The following RABEP2 variants were observed in gnomAD, a reference collection of about 807,000 sequenced individuals.
RABEP2 encodes rab GTPase-binding effector protein 2.
A neutral mutation model predicts 74.1 loss-of-function variants in RABEP2; 57 were observed. That is an observed-to-expected ratio of 0.77 (90% CI 0.62 to 0.96). The LOEUF (loss-of-function observed/expected upper bound fraction) is 0.96, where lower values mean the gene tolerates loss of function less well. Ranked by LOEUF, RABEP2 falls within the 40% of genes least tolerant of loss-of-function variation. The pLI is 0.00. For missense variants in RABEP2, 692 were observed against 756.3 expected (o/e 0.91, Z 1.00); for synonymous variants, 351 against 344.0 (o/e 1.02, Z -0.23).
intron 2 of RABEP2, among the ~76,000 whole-genome samples, chr16:28,920,666 G>T (rs533006564): frequency 2.0e-5 from 3 of 151,496 alleles, no homozygotes; most frequent in Non-Finnish European, 4.4e-5. Flanking sequence ...GATTATAGGC[G>T]TGAGCCACTG....
At chr16:28,906,293 G>T in intron 8 of RABEP2, 97 bp from the exon 9 acceptor site, 6 of 1,415,956 alleles carry the variant, frequency 4.2e-6, no homozygotes, top group Non-Finnish European at 5.6e-6. Flanking sequence ...GAACGGGGAA[G>T]GAAGGGAGGA....
At chr16:28,911,280 C>T in intron 5 of RABEP2, 101 bp from the exon 6 acceptor site, 2 of 1,061,398 alleles carry the variant, frequency 1.9e-6, no homozygotes, top group Non-Finnish European at 2.7e-6. Context: ...CTCATCCACA[C>T]AGTCCGTCAA....
In RABEP2 at chr16:28,905,893, GAA is replaced by G. The variant is rs1567494564; in HGVS notation, c.1424-17_1424-16del. 3.1e-6 allele frequency: 5 copies of G among 1,613,666 alleles called. No homozygotes were observed. The highest frequency in any genetic ancestry group is 4.2e-6 in the Non-Finnish European group (5 of 1,180,014). The stretch of plus-strand genomic sequence containing the variant: ...CTCCAGCACCTCTGTGGGAAGGAAA[GAA>G]AGAGAGGTCAAGGCCAGCCTCTCTC... On this transcript the variant is annotated splice_polypyrimidine_tract_variant and intron_variant, in intron 9 of 12. Coordinates refer to ENST00000358201, the MANE Select transcript of RABEP2 (RefSeq NM_024816.3).
At chr16:28,922,401 A>G (rs1243202085) in intron 2 of RABEP2, among the ~76,000 whole-genome samples, 1 of 151,934 alleles carries the variant, frequency 6.6e-6, no homozygotes, top group Non-Finnish European at 1.5e-5. Context: ...CCTGGCTAAC[A>G]CGGTGAAACC....
chr16:28,918,508 G>A (rs1294629111), intron 3 of RABEP2, among the ~76,000 whole-genome samples: 2 of 151,882 alleles, frequency 1.3e-5, no homozygotes, highest in Non-Finnish European at 2.9e-5. Context: ...CCAGCTATTC[G>A]GGAGGCTGAG....
intron 7 of RABEP2, among the ~76,000 whole-genome samples, chr16:28,909,467 A>T (rs1262424675): frequency 6.6e-6 from 1 of 151,930 alleles, no homozygotes; most frequent in African/African-American, 2.4e-5. Context: ...AACCCTGGCT[A>T]TGGGGGAGGC....
chr16:28,915,997 G>A (rs530021194), intron 3 of RABEP2, among the ~76,000 whole-genome samples: 103 of 152,026 alleles, frequency 6.8e-4, no homozygotes, highest in African/African-American at 2.3e-3. Context: ...GTGCCACCAC[G>A]CCCAGCTAAT....
intron 3 of RABEP2, among the ~76,000 whole-genome samples, chr16:28,918,115 C>T (rs1273427150): frequency 7.3e-6 from 1 of 136,840 alleles, no homozygotes; most frequent in East Asian, 2.2e-4. Flanking sequence ...CTCTGTCGCC[C>T]AGGTGGGACT....
intron 2 of RABEP2, among the ~76,000 whole-genome samples, chr16:28,923,294 T>G (rs1378033791): frequency 6.6e-6 from 1 of 151,738 alleles, no homozygotes; most frequent in African/African-American, 2.4e-5. Flanking sequence ...CCTGTAGTCT[T>G]GGCTACTTGG....
At chr16:28,913,032 G>A (rs1282065319) in intron 5 of RABEP2, among the ~76,000 whole-genome samples, 2 of 151,822 alleles carry the variant, frequency 1.3e-5, no homozygotes, top group East Asian at 1.9e-4. Flanking sequence ...GCGCGATCTC[G>A]GCTTACCACA....
chr16:28,923,815 G>C (rs973153025), intron 2 of RABEP2, among the ~76,000 whole-genome samples: 2 of 152,216 alleles, frequency 1.3e-5, no homozygotes, highest in African/African-American at 4.8e-5. Flanking sequence ...CACCGCAGCA[G>C]GGGCATAGCA....
chr16:28,924,604 A>AGG lies in RABEP2; in HGVS notation c.72_73insCC (p.Ser25ProfsTer34), dbSNP rs2152224725. ...CCATTTGCCCCTTCCTGGGACCGGG[A>AGG]GTCCTCCAGTGCTGTGGGGGACAGG... On this transcript the variant is annotated frameshift_variant, in exon 2 of 13. Coordinates refer to ENST00000358201, the MANE Select transcript of RABEP2 (RefSeq NM_024816.3). LOFTEE classifies it high-confidence loss of function. The AGG allele has an allele frequency of 1.2e-6, 2 of 1,610,304 alleles. 1 individual carries two copies. The highest frequency in any genetic ancestry group is 2.2e-5 in the South Asian group (2 of 91,078).
rs1490079941 is a variant in RABEP2, at chr16:28,908,770, G to A, written c.1090-6C>T. 6.2e-7 allele frequency: 1 copy of A among 1,613,678 alleles called. No individual in the cohort carries two copies. Among genetic ancestry groups the A allele is most frequent in the East Asian group, 2.2e-5 (1 of 44,868 alleles). On this transcript the variant is annotated splice_region_variant and splice_polypyrimidine_tract_variant and intron_variant, in intron 7 of 12. Transcript: ENST00000358201. The stretch of plus-strand genomic sequence containing the variant: ...TGGGTGGTGACCAGCTCCGCCTATG[G>A]ACAGACAGTTAGTATAAGGCAATGA...
rs533665211 is a variant in RABEP2 at position 28,904,529 on chromosome 16, T to C, written c.*414A>G. ...GCTGTGGACAAGCGTCTTAGTGTCA[T>C]GCAGACCAGAAGGCAGCTGCCTGTC... is the stretch of plus-strand genomic sequence containing the variant. On this transcript the variant is annotated 3_prime_UTR_variant, in exon 13 of 13. Coordinates refer to ENST00000358201, the MANE Select transcript of RABEP2 (RefSeq NM_024816.3). The C allele has an allele frequency of 4.1e-6, 6 of 1,453,366 alleles. No individual in the cohort carries two copies. The highest frequency in any genetic ancestry group is 4.1e-4 in the Middle Eastern group (2 of 4,936). The allele number at this position is 1,453,366 out of a possible 1,614,324, so 90.0% of individuals were successfully genotyped here. A position where few individuals can be genotyped will look rare whatever the true frequency, so the allele number is the denominator to read the frequency against.
In RABEP2 at chr16:28,925,172, C is replaced by T; in HGVS notation, c.-9G>A. ...GGCGCAGCTGCCGCCATTGCCTCAGCGCAAACGGCGGATTCCCGCACTCCC... is the reference window on the plus strand; with the variant it reads ...GGCGCAGCTGCCGCCATTGCCTCAGTGCAAACGGCGGATTCCCGCACTCCC... On this transcript the variant is annotated 5_prime_UTR_variant, in exon 1 of 13. Transcript: ENST00000358201. 6.5e-7 allele frequency: 1 copy of T among 1,527,984 alleles called. No homozygotes were observed. Among genetic ancestry groups the T allele is most frequent in the Non-Finnish European group, 8.7e-7 (1 of 1,143,600 alleles). The allele number at this position is 1,527,984 out of a possible 1,614,324, so 94.7% of individuals were successfully genotyped here.
rs550230395 is a variant in RABEP2 at position 28,910,811 on chromosome 16, C to A, written c.1089+77G>T. 198 of 1,287,334 alleles carry A rather than the reference C, an allele frequency of 1.5e-4. 5 individuals carry two copies. The South Asian group carries it at 2.6e-3, about 17-fold the overall frequency. The allele number at this position is 1,287,334 out of a possible 1,614,324, so 79.7% of individuals were successfully genotyped here. A position where few individuals can be genotyped will look rare whatever the true frequency, so the allele number is the denominator to read the frequency against. ...ACAGGACAGGTTCCTTGACTTCCCA[C>A]GTGCCCCCTTCCACCACGTGCAACT... On this transcript the variant is annotated intron_variant, in intron 7 of 12. Transcript: ENST00000358201.
At position 28,919,803 on chromosome 16, in the gene RABEP2, C is replaced by T. The variant is rs1349620750; in HGVS notation, c.415G>A (p.Glu139Lys). 8 of 1,608,626 alleles carry T rather than the reference C, an allele frequency of 5.0e-6. No individual in the cohort carries two copies. The highest frequency in any genetic ancestry group is 5.9e-6 in the Non-Finnish European group (7 of 1,176,680). ...LSRAYPLDSL[E>K]KQMEKAHEDS... Reference sequence around the variant, plus strand: ...ATCCCAACCTTTTCCATCTGCTTCTCCAGGGAGTCCAGGGGGTAGGCCCGG... The same window carrying T: ...ATCCCAACCTTTTCCATCTGCTTCTTCAGGGAGTCCAGGGGGTAGGCCCGG... The change falls in exon 3 of 13, where the codon GAG becomes AAG. Residue 139 changes from glutamate (E) to lysine (K), a missense_variant. By Grantham distance (56) the Glu-to-Lys change is moderately conservative. Transcript: ENST00000358201.
chr16:28,914,052 G>A (rs1180199621), intron 5 of RABEP2, among the ~76,000 whole-genome samples, 184 bp downstream of exon 5: 2 of 151,820 alleles, frequency 1.3e-5, no homozygotes, highest in African/African-American at 4.8e-5. Flanking sequence ...TGGGATGGCA[G>A]GTGTGAGCCA....
intron 1 of RABEP2, 47 bp from the exon 2 acceptor site, chr16:28,924,662 C>T: frequency 1.2e-5 from 19 of 1,547,608 alleles, no homozygotes; most frequent in Non-Finnish European, 1.7e-5. Context: ...TTACCCCAGG[C>T]CACCTACCGG....
Sources: gnomAD v4.1 joint callset for allele counts (sites outside exome capture counted in the v4.1 genomes callset) on GRCh38, gnomAD v4.1.1 for gene constraint, MANE v1.5 for transcripts, NCBI Gene and HGNC (gene_info 2026-07-23, HGNC 2026-07-21) for gene names.